The following PTPRB variants were observed in gnomAD, a reference collection of about 807,000 sequenced individuals.
PTPRB encodes the protein receptor-type tyrosine-protein phosphatase beta.
In PTPRB, 97 loss-of-function variants were observed where a neutral mutation model predicts 238.1. The ratio of observed to expected loss-of-function variants is 0.41; its 90% confidence interval spans 0.35 to 0.48. The LOEUF (loss-of-function observed/expected upper bound fraction) is 0.48, where lower values mean the gene tolerates loss of function less well. Among genes scored for constraint, PTPRB ranks in the 20% least tolerant of loss-of-function variants. The pLI is 0.30. For synonymous variants in PTPRB, 970 were observed against 995.4 expected, an observed-to-expected ratio of 0.97 and a Z score of 0.48; for missense variants, 2,292 against 2,681.9, an observed-to-expected ratio of 0.85 and a Z score of 3.21.
At chr12:70,556,674 C>A (rs556339304) in intron 18 of PTPRB, among the ~76,000 whole-genome samples, 85 of 152,212 alleles carry the variant, frequency 5.6e-4, no homozygotes, top group African/African-American at 1.9e-3. Flanking sequence ...CAGAAAACAC[C>A]AAGGAGGATA....
intron 21 of PTPRB, among the ~76,000 whole-genome samples, chr12:70,545,913 G>A (rs1224284418): frequency 6.6e-6 from 1 of 152,206 alleles, no homozygotes; most frequent in Non-Finnish European, 1.5e-5. Context: ...AAGGCAGGCA[G>A]ATCACCTGAG....
chr12:70,593,938 T>G (rs1333566875), intron 6 of PTPRB, among the ~76,000 whole-genome samples: 1 of 152,248 alleles, frequency 6.6e-6, no homozygotes, highest in Non-Finnish European at 1.5e-5. Flanking sequence ...CAATAACTAT[T>G]GGCTGAATGA....
At chr12:70,540,174 A>C (rs973457018) in intron 23 of PTPRB, 152 bp from the exon 24 acceptor site, 1 of 625,472 alleles carries the variant, frequency 1.6e-6, no homozygotes, top group African/African-American at 1.8e-5. Flanking sequence ...TGAGGGAGGG[A>C]AAGGAAAGAG....
rs397716967 is a variant in PTPRB, at chr12:70,515,939, T to TA, written c.*5549dup. 6.6e-6 allele frequency: 1 copy of TA among 151,672 alleles called. No individual in the cohort carries two copies. The highest frequency in any genetic ancestry group is 1.5e-5 in the Non-Finnish European group (1 of 67,932). The allele number at this position is 151,672 out of a possible 1,614,324, so 9.4% of individuals were successfully genotyped here. The stretch of plus-strand genomic sequence containing the variant: ...CAAGATGCTATATAGATTTTTTTTT[T>TA]ACCACAGTTACAAATATAAAAATGT... On this transcript the variant is annotated 3_prime_UTR_variant, in exon 34 of 34. Coordinates refer to ENST00000334414, the MANE Select transcript of PTPRB (RefSeq NM_001109754.4).
chr12:70,593,482 C>T (rs1478291797), intron 6 of PTPRB, among the ~76,000 whole-genome samples: 1 of 137,284 alleles, frequency 7.3e-6, no homozygotes, highest in Admixed American at 8.2e-5. Context: ...CATTGCACTC[C>T]AGCCCAGCCA....
In PTPRB at chr12:70,536,062, T is replaced by A. The variant is rs945073249; in HGVS notation, c.6044A>T (p.Asn2015Ile). The A allele has an allele frequency of 6.2e-7, 1 of 1,613,742 alleles. No homozygotes were observed. The highest frequency in any genetic ancestry group is 1.7e-5 in the Admixed American group (1 of 60,004). Residue 2015 changes from asparagine to isoleucine, a missense_variant, in exon 29 of 34, where the codon AAC (asparagine) becomes ATC (isoleucine). Asn to Ile is a moderately radical substitution (Grantham distance 149). This residue lies in a region of PTPRB where 397 missense variants were observed against 502.0 expected (regional missense o/e 0.79). Coordinates refer to ENST00000334414, the MANE Select transcript of PTPRB (RefSeq NM_001109754.4). ...WKMVWEQNVH[N>I]IVMVTQCVEK... is the part of the protein sequence containing the mutation. ...AACACACTGGGTCACCATGACGATG[T>A]TGTGAACGTTTTGTTCCCACACCAT...
At chr12:70,582,900 C>T (rs1881531018) in intron 9 of PTPRB, among the ~76,000 whole-genome samples, 1 of 152,030 alleles carries the variant, frequency 6.6e-6, no homozygotes. Context: ...AAAACTTCCC[C>T]AGAAAAGATA....
At chr12:70,529,079 GAGAA>G (rs1309559154) in intron 32 of PTPRB, among the ~76,000 whole-genome samples, 1 of 152,064 alleles carries the variant, frequency 6.6e-6, no homozygotes, top group Non-Finnish European at 1.5e-5. Flanking sequence ...TGAAGACTGA[GAGAA>G]AGGGTGGTGC....
intron 28 of PTPRB, among the ~76,000 whole-genome samples, chr12:70,537,591 T>C (rs73142910): frequency 6.6e-6 from 1 of 152,010 alleles, no homozygotes; most frequent in Admixed American, 6.5e-5. Flanking sequence ...AATATTATTA[T>C]CATCAGTTTT....
In PTPRB at chr12:70,559,554, C is replaced by G. The variant is rs1565942560; in HGVS notation, c.4503G>C (p.Gly1501=). 6.2e-7 allele frequency: 1 copy of G among 1,613,652 alleles called. No individual in the cohort carries two copies. ...CGTTGTAGTCTGTCCAGTCTGGGGG[C>G]CCTTTCCACGTGATGGCCAAGGATG... ...ANTSLAITWK[G]PPDWTDYNDF... The change falls in exon 18 of 34, where the codon GGG becomes GGC. Residue 1501 remains glycine (G), a synonymous_variant. Transcript: ENST00000334414.
chr12:70,541,017 G>C (rs886332506), intron 22 of PTPRB, 60 bp from the exon 23 acceptor site: 6 of 1,347,702 alleles, frequency 4.5e-6, no homozygotes, highest in South Asian at 1.3e-5. Context: ...TAGGGAACCA[G>C]TAAGAAAGCT....
intron 16 of PTPRB, 58 bp downstream of exon 16, chr12:70,562,786 C>T (rs749098981): frequency 3.5e-5 from 55 of 1,568,478 alleles, no homozygotes; most frequent in African/African-American, 5.4e-5. Context: ...CAAGGAAAAG[C>T]CAGTGAATAC....
In PTPRB at chr12:70,532,086, A is replaced by G; in HGVS notation, c.6453T>C (p.Tyr2151=). The stretch of plus-strand genomic sequence containing the variant: ...GAAGTCTTAGGTCGTGCACTGCTCC[A>G]TAAATGTCCACAGAGTCTTTGGAGT... ...QLDSKDSVDI[Y]GAVHDLRLHR... The change falls in exon 32 of 34, where the codon TAT becomes TAC. Residue 2151 remains tyrosine, a synonymous_variant. Transcript: ENST00000334414. 1 of 1,613,988 alleles carries G rather than the reference A, an allele frequency of 6.2e-7. No homozygotes were observed. The highest frequency in any genetic ancestry group is 8.5e-7 in the Non-Finnish European group (1 of 1,179,890).
chr12:70,540,077 A>T, intron 23 of PTPRB, 55 bp from the exon 24 acceptor site: 1 of 1,445,630 alleles, frequency 6.9e-7, no homozygotes. Flanking sequence ...GCTTGAACAA[A>T]TTTTTCCATT....
intron 18 of PTPRB, 127 bp downstream of exon 18, chr12:70,559,216 C>T: frequency 1.9e-6 from 2 of 1,034,104 alleles, no homozygotes; most frequent in Non-Finnish European, 2.9e-6. Flanking sequence ...AGACTTCTGC[C>T]TGAATTCAAA....
intron 8 of PTPRB, among the ~76,000 whole-genome samples, 199 bp from the exon 9 acceptor site, chr12:70,587,466 G>T (rs1882033809): frequency 6.6e-6 from 1 of 152,114 alleles, no homozygotes; most frequent in Admixed American, 6.6e-5. Context: ...GACTCAATTA[G>T]AAAACATCTT....
Position 70,636,014 on chromosome 12 carries a change from C to T in PTPRB, c.108G>A (p.Glu36=). 2 of 1,613,568 alleles carry T rather than the reference C, an allele frequency of 1.2e-6. No individual in the cohort carries two copies. Among genetic ancestry groups the T allele is most frequent in the East Asian group, 4.5e-5 (2 of 44,846 alleles). Residue 36 remains glutamate, a synonymous_variant, in exon 2 of 34, where the codon GAG becomes GAA. Transcript: ENST00000334414. The stretch of plus-strand genomic sequence containing the variant: ...TGTTGCATGAGCCCACGACCACTTT[C>T]TCATTTTTGAAAAGACACTGTTGTT... ...VQKQQCLFKN[E]KVVVGSCNRT...
At chr12:70,535,600 C>T (rs1874008254) in intron 29 of PTPRB, among the ~76,000 whole-genome samples, 1 of 152,136 alleles carries the variant, frequency 6.6e-6, no homozygotes, top group African/African-American at 2.4e-5. Flanking sequence ...AAGTGCATTA[C>T]AAGGGGGTTT....
At chr12:70,594,838 G>T in intron 5 of PTPRB, 114 bp from the exon 6 acceptor site, 1 of 1,276,122 alleles carries the variant, frequency 7.8e-7, no homozygotes, top group Non-Finnish European at 1.1e-6. Flanking sequence ...ATCTTAACTT[G>T]ATAATAGCAT....
Sources: allele counts gnomAD v4.1 joint callset (sites outside exome capture counted in the v4.1 genomes callset), GRCh38; gene constraint gnomAD v4.1.1; regional missense constraint gnomAD v4.1.1; transcripts MANE v1.5; gene names NCBI Gene and HGNC (gene_info 2026-07-23, HGNC 2026-07-21).